Variants in ERBB4 observed in about 807,000 individuals in gnomAD.
ERBB4 encodes erb-b2 receptor tyrosine kinase 4, also known as receptor tyrosine-protein kinase erbB-4.
In ERBB4, 42 loss-of-function variants were observed where a neutral mutation model predicts 158.0. That is an observed-to-expected ratio of 0.27 (90% CI 0.21 to 0.34). The LOEUF is 0.34. Ranked by LOEUF, ERBB4 falls within the 10% of genes least tolerant of loss-of-function variation. The pLI, the probability that ERBB4 is intolerant of heterozygous loss-of-function variation, is 1.00. For synonymous variants in ERBB4, 583 were observed against 558.7 expected, an observed-to-expected ratio of 1.04 and a Z score of -0.61; for missense variants, 1,333 against 1,624.1, an observed-to-expected ratio of 0.82 and a Z score of 3.08.
chr2:211,498,826 T>A (rs914712663), intron 20 of ERBB4, among the ~76,000 whole-genome samples: 1 of 152,130 alleles, frequency 6.6e-6, no homozygotes, highest in African/African-American at 2.4e-5. Flanking sequence ...TAATGTGAAC[T>A]AAAGCACTAC....
intron 20 of ERBB4, among the ~76,000 whole-genome samples, chr2:211,463,408 T>C (rs1056150706): frequency 6.6e-6 from 1 of 152,160 alleles, no homozygotes; most frequent in Non-Finnish European, 1.5e-5. Flanking sequence ...TGGGTTCCTA[T>C]GGGGAATTTT....
chr2:211,766,398 A>G (rs2075550860), intron 4 of ERBB4, among the ~76,000 whole-genome samples: 1 of 152,122 alleles, frequency 6.6e-6, no homozygotes, highest in African/African-American at 2.4e-5. Flanking sequence ...TAAACTTTGA[A>G]ATAAAAGTCC....
chr2:211,431,224 G>A, intron 20 of ERBB4, 124 bp from the exon 21 acceptor site: 2 of 832,456 alleles, frequency 2.4e-6, no homozygotes, highest in South Asian at 1.6e-5. Context: ...CAGAATCCTA[G>A]AATATTTTCA....
chr2:211,746,923 G>A lies in ERBB4; in HGVS notation c.622+3716C>T, dbSNP rs1018771448. On this transcript the variant is annotated intron_variant, in intron 5 of 27. Coordinates refer to ENST00000342788, the MANE Select transcript of ERBB4 (RefSeq NM_005235.3). ...GGACAGCAGTGTAGCTGGACCTCAC[G>A]GAACCCAGAGAACTAGGAGGTAAAC... Among the ~76,000 whole-genome samples the A allele has an allele frequency of 5.9e-5, 9 of 151,682 alleles. No individual in the cohort carries two copies. In the South Asian group the frequency reaches 6.3e-4, roughly 11 times the overall value.
rs1011118905 is a variant in ERBB4 at position 212,424,492 on chromosome 2, T to C, written c.82+113957A>G. 3.9e-5 allele frequency among the ~76,000 whole-genome samples: 6 copies of C among 152,236 alleles called. No homozygotes were observed. In the East Asian group the frequency reaches 9.6e-4, roughly 24 times the overall value. On this transcript the variant is annotated intron_variant, in intron 1 of 27. Coordinates refer to ENST00000342788, the MANE Select transcript of ERBB4 (RefSeq NM_005235.3). Reference sequence around the variant, plus strand: ...GCCCACTTATTTTTTCTCCCAATTATAAGAGAACAACTTTTCAAGGCTATA... The same window carrying C: ...GCCCACTTATTTTTTCTCCCAATTACAAGAGAACAACTTTTCAAGGCTATA...
intron 1 of ERBB4, among the ~76,000 whole-genome samples, chr2:212,254,264 T>C (rs1430585388): frequency 1.3e-5 from 2 of 152,190 alleles, no homozygotes; most frequent in African/African-American, 4.8e-5. Flanking sequence ...TTATTTTATT[T>C]ACCAACCCAG....
At chr2:212,194,760 T>A (rs144588207) in intron 1 of ERBB4, among the ~76,000 whole-genome samples, 1 of 152,050 alleles carries the variant, frequency 6.6e-6, no homozygotes, top group Admixed American at 6.6e-5. Context: ...ATCTGAAGGT[T>A]TTTAAGAATT....
intron 1 of ERBB4, among the ~76,000 whole-genome samples, chr2:212,142,935 CTTT>C (rs763731261): frequency 6.9e-6 from 1 of 144,182 alleles, no homozygotes. Context: ...TTAGGAACAT[CTTT>C]TTTTTTTTTC....
At chr2:212,079,675 G>C (rs971681578) in intron 2 of ERBB4, among the ~76,000 whole-genome samples, 1 of 151,942 alleles carries the variant, frequency 6.6e-6, no homozygotes, top group Non-Finnish European at 1.5e-5. Context: ...CTTCCAGTTA[G>C]GCATAGATGC....
chr2:212,430,309 T>C (rs1021939790), intron 1 of ERBB4, among the ~76,000 whole-genome samples: 2 of 152,226 alleles, frequency 1.3e-5, no homozygotes, highest in South Asian at 2.1e-4. Flanking sequence ...AAACATCTTA[T>C]TTAAGCCAGA....
At chr2:212,158,487 C>T (rs2081108420) in intron 1 of ERBB4, among the ~76,000 whole-genome samples, 1 of 151,994 alleles carries the variant, frequency 6.6e-6, no homozygotes. Context: ...CCAAAAGTCC[C>T]TATCTATCCA....
Position 211,676,493 on chromosome 2 carries a change from C to G in ERBB4, c.1622+2559G>C, listed in dbSNP as rs530877276. ...AGATAGAAACTGGTGTATACATACA[C>G]ATGTTTATAAATTTCATATTTCTGA... is the stretch of plus-strand genomic sequence containing the variant. On this transcript the variant is annotated intron_variant, in intron 13 of 27. Coordinates refer to ENST00000342788, the MANE Select transcript of ERBB4 (RefSeq NM_005235.3). Among the ~76,000 whole-genome samples, 3 of 152,024 alleles carry G rather than the reference C, an allele frequency of 2.0e-5. No homozygotes were observed. The South Asian group carries it at 6.2e-4, about 32-fold the overall frequency.
At chr2:211,602,652 G>A (rs1427647084) in intron 19 of ERBB4, among the ~76,000 whole-genome samples, 5 of 152,076 alleles carry the variant, frequency 3.3e-5, no homozygotes, top group Admixed American at 2.0e-4. Context: ...CTCTTGCCAT[G>A]TTTAATGATT....
At chr2:211,917,531 T>C (rs2079731449) in intron 3 of ERBB4, among the ~76,000 whole-genome samples, 1 of 152,164 alleles carries the variant, frequency 6.6e-6, no homozygotes, top group Admixed American at 6.5e-5. Flanking sequence ...CAACAGTAAA[T>C]GACAAAACTG....
intron 20 of ERBB4, among the ~76,000 whole-genome samples, chr2:211,447,010 C>A (rs2064128060): frequency 6.6e-6 from 1 of 151,992 alleles, no homozygotes; most frequent in Non-Finnish European, 1.5e-5. Flanking sequence ...AAGCGTAAAA[C>A]AACAAAGCAA....
At chr2:212,190,265 G>A (rs975999719) in intron 1 of ERBB4, among the ~76,000 whole-genome samples, 2 of 152,132 alleles carry the variant, frequency 1.3e-5, no homozygotes, top group African/African-American at 2.4e-5. Flanking sequence ...AGCTGGGCGC[G>A]GTAGCTCAAG....
intron 1 of ERBB4, among the ~76,000 whole-genome samples, chr2:212,301,572 T>A (rs917312492): frequency 1.3e-5 from 2 of 151,524 alleles, no homozygotes; most frequent in Admixed American, 6.6e-5. Flanking sequence ...TGGACATATC[T>A]TGGTAAACAT....
At chr2:212,144,209 T>C (rs2080586316) in intron 1 of ERBB4, among the ~76,000 whole-genome samples, 1 of 152,140 alleles carries the variant, frequency 6.6e-6, no homozygotes, top group African/African-American at 2.4e-5. Context: ...TCTCAAATGA[T>C]ATGTATACTC....
chr2:212,383,252 T>C (rs2090569277), intron 1 of ERBB4, among the ~76,000 whole-genome samples: 1 of 151,596 alleles, frequency 6.6e-6, no homozygotes. Context: ...TCAACTGGTC[T>C]ACCTACCTAC....
Sources: gnomAD v4.1 joint callset for allele counts (sites outside exome capture counted in the v4.1 genomes callset) on GRCh38, gnomAD v4.1.1 for gene constraint, MANE v1.5 for transcripts, NCBI Gene and HGNC (gene_info 2026-07-23, HGNC 2026-07-21) for gene names.